The following CDK14 variants were observed in gnomAD, a reference collection of about 807,000 sequenced individuals.
The protein encoded by CDK14 is cyclin-dependent kinase 14.
CDK14 carries 34 observed loss-of-function variants against 60.7 expected under a neutral mutation model. The observed-to-expected ratio is 0.56, with a 90% CI of 0.43 to 0.75. The LOEUF is 0.75. Among genes scored for constraint, CDK14 ranks in the 30% least tolerant of loss-of-function variants. The probability of loss-of-function intolerance (pLI) is 0.00; values close to 1 mark genes in which losing one functional copy is unlikely to be tolerated. For synonymous variants in CDK14, 197 were observed against 203.7 expected (o/e 0.97, Z 0.28); for missense variants, 482 against 564.1 (o/e 0.85, Z 1.47).
intron 10 of CDK14, among the ~76,000 whole-genome samples, chr7:91,001,329 G>C (rs1284656429): frequency 6.6e-6 from 1 of 152,056 alleles, no homozygotes; most frequent in Non-Finnish European, 1.5e-5. Context: ...CAAAAATAAT[G>C]AAAGAAGGAA....
chr7:90,828,761 C>T (rs888049067), intron 5 of CDK14, among the ~76,000 whole-genome samples: 1 of 152,156 alleles, frequency 6.6e-6, no homozygotes, highest in Non-Finnish European at 1.5e-5. Context: ...TACTCTTTTA[C>T]AATTCAGATG....
At chr7:90,813,632 C>T (rs774228733) in intron 5 of CDK14, among the ~76,000 whole-genome samples, 2 of 152,072 alleles carry the variant, frequency 1.3e-5, no homozygotes, top group Non-Finnish European at 2.9e-5. Context: ...GCCTGTAATC[C>T]CAGCTACTTG....
chr7:90,598,621 A>G (rs539361205), intron 1 of CDK14, among the ~76,000 whole-genome samples: 2 of 152,168 alleles, frequency 1.3e-5, no homozygotes, highest in Admixed American at 1.3e-4. Flanking sequence ...TACAGAAACA[A>G]AATCTGTATC....
intron 10 of CDK14, among the ~76,000 whole-genome samples, chr7:91,013,898 G>A (rs568279019): frequency 9.9e-5 from 15 of 152,058 alleles, no homozygotes; most frequent in South Asian, 8.3e-4. Context: ...TGTGACTAGC[G>A]AAATAACTAT....
At chr7:90,978,790 A>G (rs1490195475) in intron 9 of CDK14, among the ~76,000 whole-genome samples, 1 of 152,224 alleles carries the variant, frequency 6.6e-6, no homozygotes, top group Admixed American at 6.5e-5. Context: ...GACAAAATGC[A>G]GGAAACTTCT....
chr7:91,091,335 A>G (rs147277804), intron 12 of CDK14, among the ~76,000 whole-genome samples: 9,355 of 144,480 alleles, frequency 0.065, 512 homozygotes, highest in African/African-American at 0.15. Flanking sequence ...ACATATGTGT[A>G]TACATATATG....
intron 2 of CDK14, among the ~76,000 whole-genome samples, chr7:90,613,697 A>AT (rs1799591261): frequency 6.6e-6 from 1 of 152,042 alleles, no homozygotes; most frequent in African/African-American, 2.4e-5. Flanking sequence ...AAAAATAAAA[A>AT]AAAAATAAAA....
intron 10 of CDK14, among the ~76,000 whole-genome samples, chr7:91,010,579 T>C (rs569209424): frequency 9.9e-5 from 15 of 152,228 alleles, no homozygotes; most frequent in African/African-American, 3.6e-4. Flanking sequence ...AATTGGTTTT[T>C]TTATATTCAT....
intron 2 of CDK14, among the ~76,000 whole-genome samples, chr7:90,608,207 A>AT (rs1357732216): frequency 6.6e-6 from 1 of 152,062 alleles, no homozygotes; most frequent in East Asian, 1.9e-4. Flanking sequence ...AAGTGGCCCC[A>AT]TTTTTCCTGG....
At chr7:90,981,053 G>T (rs1170964241) in intron 9 of CDK14, among the ~76,000 whole-genome samples, 1 of 152,074 alleles carries the variant, frequency 6.6e-6, no homozygotes, top group Non-Finnish European at 1.5e-5. Context: ...GAAAAAGGAA[G>T]GCCAAAAAGT....
intron 4 of CDK14, among the ~76,000 whole-genome samples, chr7:90,770,634 G>A (rs1441259632): frequency 6.6e-6 from 1 of 152,188 alleles, no homozygotes; most frequent in African/African-American, 2.4e-5. Context: ...TCTGGAGTCT[G>A]CTGTCTTTCC....
intron 8 of CDK14, among the ~76,000 whole-genome samples, chr7:90,929,382 T>G (rs558544273): frequency 1.3e-5 from 2 of 152,362 alleles, no homozygotes; most frequent in Admixed American, 6.5e-5. Context: ...TTTAAATCAT[T>G]GTCTTGCATA....
At chr7:90,729,179 G>A (rs948391048) in intron 3 of CDK14, among the ~76,000 whole-genome samples, 8 of 151,578 alleles carry the variant, frequency 5.3e-5, no homozygotes, top group African/African-American at 1.9e-4. Context: ...GCTGGCCGAG[G>A]GAGACTGGGG....
In CDK14 at chr7:90,876,846, T is replaced by C. The variant is rs538909767; in HGVS notation, c.639+13577T>C. Among the ~76,000 whole-genome samples, 10 of 152,362 alleles carry C rather than the reference T, an allele frequency of 6.6e-5. No homozygotes were observed. In the South Asian group the frequency reaches 2.1e-3, roughly 32 times the overall value. On this transcript the variant is annotated intron_variant, in intron 6 of 14. Coordinates refer to ENST00000380050, the MANE Select transcript of CDK14 (RefSeq NM_001287135.2). Reference sequence around the variant, plus strand: ...TTTTGACGTCAATTGTTGTGAAGTATATAAGTTTTTCTCTTTATCAGTTGT... The same window carrying C: ...TTTTGACGTCAATTGTTGTGAAGTACATAAGTTTTTCTCTTTATCAGTTGT...
intron 14 of CDK14, among the ~76,000 whole-genome samples, chr7:91,173,380 G>A (rs893604721): frequency 2.6e-5 from 4 of 151,378 alleles, no homozygotes; most frequent in South Asian, 2.1e-4. Context: ...GATCACTTGA[G>A]CCCAGGAATT....
intron 1 of CDK14, among the ~76,000 whole-genome samples, chr7:90,603,458 C>T (rs752231544): frequency 6.6e-6 from 1 of 152,092 alleles, no homozygotes; most frequent in Non-Finnish European, 1.5e-5. Flanking sequence ...AGGTTTGTAG[C>T]CCAGGAGTAA....
At chr7:91,201,633 G>A (rs980655728) in intron 14 of CDK14, among the ~76,000 whole-genome samples, 3 of 152,146 alleles carry the variant, frequency 2.0e-5, no homozygotes, top group Non-Finnish European at 4.4e-5. Context: ...AGCACACTGA[G>A]TGGGGGTCCT....
At chr7:91,091,503 A>ATATATATATATG (rs1798823855) in intron 12 of CDK14, among the ~76,000 whole-genome samples, 1 of 128,360 alleles carries the variant, frequency 7.8e-6, no homozygotes, top group East Asian at 2.1e-4. Flanking sequence ...TATATATTTT[A>ATATATATATATG]TATATATATA....
chr7:90,920,783 C>T (rs931439159), intron 8 of CDK14, among the ~76,000 whole-genome samples: 1 of 152,140 alleles, frequency 6.6e-6, no homozygotes, highest in East Asian at 1.9e-4. Flanking sequence ...TTAAAGAACA[C>T]TTTGTCATTT....
Sources: gnomAD v4.1 joint callset for allele counts (sites outside exome capture counted in the v4.1 genomes callset) on GRCh38, gnomAD v4.1.1 for gene constraint, MANE v1.5 for transcripts, NCBI Gene and HGNC (gene_info 2026-07-23, HGNC 2026-07-21) for gene names.